PRSS12: variants seen among roughly 807,000 people sequenced by gnomAD.
PRSS12 encodes the protein serine protease 12.
In PRSS12, 85 loss-of-function variants were observed where a neutral mutation model predicts 104.4. That is an observed-to-expected ratio of 0.81 (90% confidence interval 0.68 to 0.98). The LOEUF is 0.98. Among genes scored for constraint, PRSS12 ranks in the 50% least tolerant of loss-of-function variants. The pLI, the probability that PRSS12 is intolerant of heterozygous loss-of-function variation, is 0.00. For synonymous variants in PRSS12, 454 were observed against 425.2 expected (o/e 1.07, Z -0.83); for missense variants, 1,141 against 1,139.2 (o/e 1.00, Z -0.02).
intron 5 of PRSS12, among the ~76,000 whole-genome samples, chr4:118,317,514 T>G (rs1430556568): frequency 6.6e-6 from 1 of 152,160 alleles, no homozygotes; most frequent in Non-Finnish European, 1.5e-5. Flanking sequence ...CATCTGAGCA[T>G]CACAGCAATG....
chr4:118,325,511 G>T (rs902526352), intron 4 of PRSS12, among the ~76,000 whole-genome samples: 3 of 151,918 alleles, frequency 2.0e-5, no homozygotes, highest in Non-Finnish European at 4.4e-5. Context: ...AGGTTTTCTG[G>T]CTAACTTTTT....
At chr4:118,298,982 A>C in intron 8 of PRSS12, 44 bp from the exon 9 acceptor site, 1 of 1,583,998 alleles carries the variant, frequency 6.3e-7, no homozygotes, top group East Asian at 2.2e-5. Flanking sequence ...TCAGTCAGTC[A>C]TATATCTGAA....
At chr4:118,286,204 C>T (rs1247347954) in intron 11 of PRSS12, among the ~76,000 whole-genome samples, 1 of 152,106 alleles carries the variant, frequency 6.6e-6, no homozygotes. Context: ...CTTCTGAGTA[C>T]CCTTCAAGGG....
chr4:118,348,563 G>A (rs1172261183), intron 1 of PRSS12, among the ~76,000 whole-genome samples: 4 of 152,094 alleles, frequency 2.6e-5, no homozygotes, highest in Non-Finnish European at 5.9e-5. Context: ...CTAGGAATCT[G>A]CATTTTAACA....
chr4:118,338,317 A>G lies in PRSS12; in HGVS notation c.503-3T>C, dbSNP rs1456124880. 8 of 1,613,910 alleles carry G rather than the reference A, an allele frequency of 5.0e-6. No individual in the cohort carries two copies. Among genetic ancestry groups the G allele is most frequent in the East Asian group, 2.2e-5 (1 of 44,874 alleles). On this transcript the variant is annotated splice_region_variant and splice_polypyrimidine_tract_variant and intron_variant, in intron 1 of 12. Transcript: ENST00000296498. ...GCCGCCACGAAGTCGTACTGATCCT[A>G]AAGTGGAAAAGAATCCCAAAACCCT...
chr4:118,285,622 G>A (rs1219294716), intron 11 of PRSS12, among the ~76,000 whole-genome samples: 1 of 151,878 alleles, frequency 6.6e-6, no homozygotes, highest in Non-Finnish European at 1.5e-5. Flanking sequence ...ATTGAGATGT[G>A]CTGAAAGTAC....
At chr4:118,351,319 G>A (rs972500461) in intron 1 of PRSS12, among the ~76,000 whole-genome samples, 1 of 151,558 alleles carries the variant, frequency 6.6e-6, no homozygotes, top group Non-Finnish European at 1.5e-5. Flanking sequence ...CAAACTTTGA[G>A]GATATTTTTT....
At chr4:118,337,867 G>C (rs1162406447) in intron 2 of PRSS12, among the ~76,000 whole-genome samples, 3 of 151,754 alleles carry the variant, frequency 2.0e-5, no homozygotes, top group Non-Finnish European at 4.4e-5. Context: ...ATTTGTAAAG[G>C]CATAACTTGC....
At chr4:118,326,884 G>T (rs1043077350) in intron 4 of PRSS12, among the ~76,000 whole-genome samples, 3 of 151,896 alleles carry the variant, frequency 2.0e-5, no homozygotes, top group Admixed American at 2.0e-4. Context: ...TTATACCAGG[G>T]GTGTCCAATC....
At chr4:118,295,247 A>G (rs1255786678) in intron 10 of PRSS12, among the ~76,000 whole-genome samples, 186 bp from the exon 11 acceptor site, 2 of 152,222 alleles carry the variant, frequency 1.3e-5, no homozygotes, top group Admixed American at 1.3e-4. Context: ...GAGCAGGCCC[A>G]GCATCAGCAA....
intron 5 of PRSS12, among the ~76,000 whole-genome samples, chr4:118,316,837 A>AATATATATATATATATATATAT (rs70941165): frequency 1.0e-5 from 1 of 99,192 alleles, no homozygotes; most frequent in African/African-American, 3.5e-5. Context: ...AAAAAAAAAA[A>AATATATATATATATATATATAT]ATATATATAT....
intron 4 of PRSS12, among the ~76,000 whole-genome samples, chr4:118,319,697 A>C (rs924066016): frequency 6.6e-6 from 1 of 151,996 alleles, no homozygotes; most frequent in African/African-American, 2.4e-5. Context: ...TGTTATTTTG[A>C]GACAGGGTCT....
chr4:118,283,534 C>T (rs756834439), intron 11 of PRSS12, among the ~76,000 whole-genome samples: 1 of 152,180 alleles, frequency 6.6e-6, no homozygotes, highest in Admixed American at 6.5e-5. Flanking sequence ...TTAGTACAAT[C>T]GACTTCACTC....
intron 11 of PRSS12, among the ~76,000 whole-genome samples, chr4:118,292,303 G>A (rs912000954): frequency 2.6e-5 from 4 of 152,038 alleles, no homozygotes; most frequent in Non-Finnish European, 4.4e-5. Flanking sequence ...CTTCAACTAC[G>A]TCTCCTCTAA....
intron 11 of PRSS12, among the ~76,000 whole-genome samples, chr4:118,293,278 T>C (rs1743171421): frequency 6.6e-6 from 1 of 151,768 alleles, no homozygotes; most frequent in African/African-American, 2.4e-5. Flanking sequence ...CCATATACTA[T>C]AAACAAAAAT....
chr4:118,335,887 T>A (rs1724052827), intron 2 of PRSS12, among the ~76,000 whole-genome samples: 1 of 152,232 alleles, frequency 6.6e-6, no homozygotes, highest in Non-Finnish European at 1.5e-5. Context: ...AACTACTTTA[T>A]GTGCCTTTAC....
intron 8 of PRSS12, among the ~76,000 whole-genome samples, chr4:118,307,154 T>C (rs1242765084): frequency 2.0e-5 from 3 of 152,234 alleles, no homozygotes; most frequent in Admixed American, 1.3e-4. Flanking sequence ...CACTTTCACA[T>C]CTAATGTAGA....
chr4:118,309,241 T>C (rs1743641675), intron 7 of PRSS12, among the ~76,000 whole-genome samples: 1 of 152,212 alleles, frequency 6.6e-6, no homozygotes, highest in Non-Finnish European at 1.5e-5. Flanking sequence ...TCTAAGTTAA[T>C]ACAAATGAAG....
intron 6 of PRSS12, among the ~76,000 whole-genome samples, chr4:118,314,255 T>G (rs888146338): frequency 1.3e-5 from 2 of 152,256 alleles, no homozygotes; most frequent in South Asian, 4.1e-4. Context: ...GATGTTTTTA[T>G]TATTTCTGTA....
Sources: allele counts gnomAD v4.1 joint callset (sites outside exome capture counted in the v4.1 genomes callset), GRCh38; gene constraint gnomAD v4.1.1; transcripts MANE v1.5; gene names NCBI Gene and HGNC (gene_info 2026-07-23, HGNC 2026-07-21).